SS18L1: variants seen among roughly 807,000 people sequenced by gnomAD.
SS18L1 encodes SS18L1 subunit of BAF chromatin remodeling complex, also known as calcium-responsive transactivator.
In SS18L1, 32 loss-of-function variants were observed where a neutral mutation model predicts 70.3. That is an observed-to-expected ratio of 0.46 (90% CI 0.34 to 0.61). The LOEUF (loss-of-function observed/expected upper bound fraction) is 0.61. SS18L1 is among the 20% of genes least tolerant of loss of function. SS18L1 has a pLI of 0.01. For synonymous variants in SS18L1, 237 were observed against 229.7 expected, an observed-to-expected ratio of 1.03 and a Z score of -0.29; for missense variants, 430 against 542.1, an observed-to-expected ratio of 0.79 and a Z score of 2.05.
rs1219316515 is a variant in SS18L1 at position 62,151,846 on chromosome 20, TCCC to T, written c.70-6824_70-6822del. Among the ~76,000 whole-genome samples the T allele has an allele frequency of 1.1e-4, 15 of 141,106 alleles. 1 individual carries two copies. Among genetic ancestry groups the T allele is most frequent in the Admixed American group, 5.6e-4 (8 of 14,400 alleles). The allele number at this position is 141,106 out of a possible 152,430, so 92.6% of individuals were successfully genotyped here. A position where few individuals can be genotyped will look rare whatever the true frequency, so the allele number is the denominator to read the frequency against. Reference sequence around the variant, plus strand: ...GCTCCCCATAGCTGGCCTCCCCCGTTCCCCTCTTTTCCCGCTCCCCAGAGCTGG... The same window carrying T: ...GCTCCCCATAGCTGGCCTCCCCCGTTCTCTTTTCCCGCTCCCCAGAGCTGG... On this transcript the variant is annotated intron_variant, in intron 1 of 10. Coordinates refer to ENST00000331758, the MANE Select transcript of SS18L1 (RefSeq NM_198935.3).
At position 62,180,400 on chromosome 20, in the gene SS18L1, A is replaced by G. The variant is rs1432700920; in HGVS notation, c.*1192A>G. The G allele has an allele frequency of 2.2e-5, 4 of 185,316 alleles. No individual in the cohort carries two copies. In the East Asian group the frequency reaches 2.6e-4, roughly 12 times the overall value. 11.5% of individuals were successfully genotyped at this position (185,316 alleles called of 1,614,324 possible). A position where few individuals can be genotyped will look rare whatever the true frequency, so the allele number is the denominator to read the frequency against. On this transcript the variant is annotated 3_prime_UTR_variant, in exon 11 of 11. Transcript: ENST00000331758. ...CAAAGGAAAAAAATCCCACATTTCA[A>G]TTAACAAGTAGCATGGACATTTGAT...
At chr20:62,151,242 C>T (rs1318356273) in intron 1 of SS18L1, among the ~76,000 whole-genome samples, 3 of 152,200 alleles carry the variant, frequency 2.0e-5, no homozygotes, top group Admixed American at 6.5e-5. Flanking sequence ...ACTCCCTCGC[C>T]TACCCAGTTA....
chr20:62,162,653 T>C, intron 4 of SS18L1, 99 bp from the exon 5 acceptor site: 1 of 1,323,664 alleles, frequency 7.6e-7, no homozygotes, highest in Non-Finnish European at 1.0e-6. Flanking sequence ...ATAGCAACTC[T>C]TCCCAAAGTC....
rs554448013 is a variant in SS18L1 at position 62,175,277 on chromosome 20, G to A, written c.1164+633G>A. ...TGGAAGAGCGGGAGCTCTCGGGACA[G>A]TGAGGAGGCCGGTGTGGCGGGAGGT... On this transcript the variant is annotated intron_variant, in intron 10 of 10. Transcript: ENST00000331758. The A allele has an allele frequency of 2.4e-4, 241 of 985,484 alleles. 4 individuals are homozygous for A. The South Asian group carries it at 0.01, about 42-fold the overall frequency. 61.0% of individuals were successfully genotyped at this position (985,484 alleles called of 1,614,324 possible).
rs2057355411 is a variant in SS18L1, at chr20:62,162,881, C to G, written c.506C>G (p.Thr169Ser). ...SQGVPMQGQGTIGNYVSRTNI... is the reference protein window; with the variant it reads ...SQGVPMQGQGSIGNYVSRTNI... ...GGCGTCCCCATGCAGGGGCAAGGCA[C>G]CATCGGCAACTACGTGTCTCGGACC... Residue 169 changes from threonine (T) to serine (S), a missense_variant, in exon 5 of 11, where the codon ACC becomes AGC. Physicochemically the swap from Thr to Ser is moderately conservative, Grantham distance 58. Coordinates refer to ENST00000331758, the MANE Select transcript of SS18L1 (RefSeq NM_198935.3). The G allele has an allele frequency of 6.2e-7, 1 of 1,612,834 alleles. No homozygotes were observed. Among genetic ancestry groups the G allele is most frequent in the South Asian group, 1.1e-5 (1 of 91,082 alleles).
chr20:62,172,616 G>T (rs2057551320), intron 8 of SS18L1, 66 bp from the exon 9 acceptor site: 1 of 1,606,718 alleles, frequency 6.2e-7, no homozygotes, highest in Admixed American at 1.7e-5. Context: ...GTCGTGAGTG[G>T]GCCACAGAAT....
At chr20:62,154,379 A>G in intron 1 of SS18L1, 1 of 1,049,618 alleles carries the variant, frequency 9.5e-7, no homozygotes, top group South Asian at 4.6e-5. Flanking sequence ...TTCCCCCTTC[A>G]CGCCTGGTTG....
In SS18L1 at chr20:62,163,455, C is replaced by CA; in HGVS notation, c.557-2dup. The CA allele has an allele frequency of 1.2e-6, 2 of 1,612,054 alleles. No individual in the cohort carries two copies. Among genetic ancestry groups the CA allele is most frequent in the Admixed American group, 3.3e-5 (2 of 60,012 alleles). On this transcript the variant is annotated splice_polypyrimidine_tract_variant and splice_region_variant and intron_variant, in intron 5 of 10. Coordinates refer to ENST00000331758, the MANE Select transcript of SS18L1 (RefSeq NM_198935.3). ...GATGTGGGGCCTCTGTCCTGTCGTT[C>CA]AGTCTCCATGATGCAGCAGCAGGCG...
At chr20:62,173,057 G>C (rs866868112) in intron 9 of SS18L1, among the ~76,000 whole-genome samples, 42 of 152,342 alleles carry the variant, frequency 2.8e-4, no homozygotes, top group Middle Eastern at 3.4e-3. Context: ...TTCCAGAAAA[G>C]TTGGAAACAT....
At chr20:62,165,335 T>C (rs925658686) in intron 7 of SS18L1, 87 bp from the exon 8 acceptor site, 2 of 1,331,720 alleles carry the variant, frequency 1.5e-6, no homozygotes, top group African/African-American at 2.9e-5. Context: ...CCAGACAACA[T>C]CTCCCCAGCC....
At chr20:62,165,335 T>A (rs925658686) in intron 7 of SS18L1, 87 bp from the exon 8 acceptor site, 75 of 1,331,718 alleles carry the variant, frequency 5.6e-5, no homozygotes, top group Non-Finnish European at 7.8e-5. Flanking sequence ...CCAGACAACA[T>A]CTCCCCAGCC....
rs1282618591 is a variant in SS18L1, at chr20:62,158,606, G to A, written c.70-66G>A. The A allele has an allele frequency of 3.2e-6, 5 of 1,583,308 alleles. No individual in the cohort carries two copies. The African/African-American group carries it at 6.7e-5, about 21-fold the overall frequency. ...ATATGAAAACTAGATGTGTAGCGAT[G>A]GCTGTTCATCCCGAGGGTCAGCGAC... On this transcript the variant is annotated intron_variant, in intron 1 of 10. Coordinates refer to ENST00000331758, the MANE Select transcript of SS18L1 (RefSeq NM_198935.3). This position sits in a 1 kb window ranked among gnomAD's most constrained non-coding sequence, Gnocchi z 4.5.
intron 1 of SS18L1, among the ~76,000 whole-genome samples, chr20:62,148,590 C>T (rs1045137131): frequency 4.6e-5 from 7 of 152,032 alleles, no homozygotes; most frequent in Non-Finnish European, 5.9e-5. Flanking sequence ...AGCCTCCTTG[C>T]TGTCTTCGGT....
Position 62,181,284 on chromosome 20 carries a change from C to G in SS18L1, c.*2076C>G, listed in dbSNP as rs770895892. The stretch of plus-strand genomic sequence containing the variant: ...ATGAGAGTTCTTAATTGCTAATTGA[C>G]AAACGCGTTAGCAATTTCAGTTAGG... On this transcript the variant is annotated 3_prime_UTR_variant, in exon 11 of 11. Transcript: ENST00000331758. The G allele has an allele frequency of 8.6e-5, 18 of 209,582 alleles. No individual in the cohort carries two copies. Among genetic ancestry groups the G allele is most frequent in the Non-Finnish European group, 1.2e-4 (12 of 102,956 alleles). 13.0% of individuals were successfully genotyped at this position (209,582 alleles called of 1,614,324 possible).
intron 8 of SS18L1, among the ~76,000 whole-genome samples, chr20:62,171,425 C>T (rs559493304): frequency 1.3e-5 from 2 of 152,070 alleles, no homozygotes; most frequent in South Asian, 2.1e-4. Flanking sequence ...TAGAGGAAGG[C>T]GTGGAAGTTC....
At chr20:62,155,171 C>G (rs1462016778) in intron 1 of SS18L1, among the ~76,000 whole-genome samples, 2 of 152,080 alleles carry the variant, frequency 1.3e-5, no homozygotes, top group Non-Finnish European at 2.9e-5. Context: ...GAGGCAGAGG[C>G]GGGCAGATCA....
intron 1 of SS18L1, chr20:62,154,316 T>C: frequency 7.7e-6 from 8 of 1,043,938 alleles, no homozygotes; most frequent in Non-Finnish European, 9.2e-6. Context: ...CGAGTGCCCT[T>C]GGTTTGGGTA....
intron 1 of SS18L1, among the ~76,000 whole-genome samples, chr20:62,149,645 A>T (rs1165143752): frequency 6.6e-6 from 1 of 152,190 alleles, no homozygotes; most frequent in East Asian, 1.9e-4. Context: ...GTCTTTACGA[A>T]GAGGACAGGG....
intron 1 of SS18L1, among the ~76,000 whole-genome samples, chr20:62,157,793 GTGAGGGCTGCGGGGTGC>G (rs1367875056): frequency 2.0e-5 from 3 of 152,210 alleles, no homozygotes; most frequent in African/African-American, 4.8e-5. Flanking sequence ...ACCCCTGGGG[GTGAGGGCTGCGGGGTGC>G]CAGCCCCAGG....
Sources: allele counts gnomAD v4.1 joint callset (sites outside exome capture counted in the v4.1 genomes callset), GRCh38; gene constraint gnomAD v4.1.1; non-coding constraint Gnocchi (gnomAD v3.1); transcripts MANE v1.5; gene names NCBI Gene and HGNC (gene_info 2026-07-23, HGNC 2026-07-21).